The following GARIN1A variants were observed in gnomAD, a reference collection of about 807,000 sequenced individuals.
GARIN1A encodes golgi associated RAB2 interactor 1A.
chr7:128,702,548 T>C, the GARIN1A span, among the ~76,000 whole-genome samples: 1 of 152,146 alleles, frequency 6.6e-6, no homozygotes, highest in African/African-American at 2.4e-5. Flanking sequence ...ATATGAGATA[T>C]ATGTATAAGA....
chr7:128,680,123 A>G, the GARIN1A span: 18 of 1,570,752 alleles, frequency 1.1e-5, no homozygotes, highest in African/African-American at 2.4e-4. Flanking sequence ...CACAGCTCTC[A>G]GGAAAGCCCC....
At chr7:128,672,664 G>A in the GARIN1A span, 4 of 521,852 alleles carry the variant, frequency 7.7e-6, no homozygotes, top group South Asian at 4.2e-5. Flanking sequence ...GGGGCGGGGG[G>A]ACAAAGAAGC....
chr7:128,689,756 G>GC, the GARIN1A span, among the ~76,000 whole-genome samples: 95 of 84,220 alleles, frequency 1.1e-3, no homozygotes, highest in East Asian at 2.5e-3. Flanking sequence ...GTCAGCCCCC[G>GC]CCGGCCAGCC....
the GARIN1A span, among the ~76,000 whole-genome samples, chr7:128,705,662 T>G: frequency 2.2e-5 from 3 of 133,568 alleles, no homozygotes; most frequent in South Asian, 2.6e-4. Context: ...GGTGTTTTTT[T>G]TTTTTTTTTT....
At chr7:128,689,601 CGCCCCGTCT>C in the GARIN1A span, among the ~76,000 whole-genome samples, 1 of 149,328 alleles carries the variant, frequency 6.7e-6, no homozygotes, top group African/African-American at 2.5e-5. Context: ...GCCCGGCAGC[CGCCCCGTCT>C]GAGAAGTGAG....
At chr7:128,672,460 G>A in the GARIN1A span, 1 of 1,608,722 alleles carries the variant, frequency 6.2e-7, no homozygotes, top group Admixed American at 1.7e-5. Context: ...TGGAACTTGG[G>A]GTGGAAAATG....
chr7:128,700,590 T>TTA, the GARIN1A span, among the ~76,000 whole-genome samples: 1 of 152,162 alleles, frequency 6.6e-6, no homozygotes, highest in African/African-American at 2.4e-5. Context: ...TTAGTAAGGT[T>TTA]TTATTATTCT....
At chr7:128,696,775 G>C in the GARIN1A span, among the ~76,000 whole-genome samples, 1 of 152,222 alleles carries the variant, frequency 6.6e-6, no homozygotes, top group Non-Finnish European at 1.5e-5. Flanking sequence ...CACCATGGCT[G>C]GAGGGCACTA....
chr7:128,699,263 C>A, the GARIN1A span, among the ~76,000 whole-genome samples: 2 of 34,424 alleles, frequency 5.8e-5, no homozygotes, highest in Non-Finnish European at 1.5e-4. Flanking sequence ...ACCTGCTGCC[C>A]CCCCCCCCCC....
the GARIN1A span, chr7:128,675,590 A>G: frequency 1.4e-6 from 2 of 1,439,020 alleles, no homozygotes; most frequent in East Asian, 4.6e-5. Context: ...CCTGCCCCCA[A>G]GATGATGTGC....
chr7:128,685,047 G>A, the GARIN1A span: 4 of 152,248 alleles, frequency 2.6e-5, no homozygotes, highest in African/African-American at 7.2e-5. Flanking sequence ...GATTACAGGT[G>A]TGAACCACCA....
the GARIN1A span, among the ~76,000 whole-genome samples, chr7:128,692,940 G>T: frequency 1.3e-5 from 2 of 152,340 alleles, no homozygotes; most frequent in Admixed American, 6.5e-5. Context: ...ACTGAGAGTG[G>T]TAAAGCTTCA....
chr7:128,673,621 G>A, the GARIN1A span, among the ~76,000 whole-genome samples: 1 of 152,202 alleles, frequency 6.6e-6, no homozygotes, highest in Admixed American at 6.5e-5. Context: ...ACAGTTTGAG[G>A]TGGGTCTTGG....
At chr7:128,694,553 GA>G in the GARIN1A span, among the ~76,000 whole-genome samples, 1 of 151,304 alleles carries the variant, frequency 6.6e-6, no homozygotes, top group Admixed American at 6.6e-5. Context: ...AAGAAAGAAA[GA>G]AAGAAAAAAA....
chr7:128,681,900 CT>C, the GARIN1A span, among the ~76,000 whole-genome samples: 1 of 149,522 alleles, frequency 6.7e-6, no homozygotes, highest in African/African-American at 2.5e-5. Context: ...CACAACCCCC[CT>C]GGCCATGGCT....
chr7:128,672,649 A>AGGGGGGG, the GARIN1A span: 2 of 124,320 alleles, frequency 1.6e-5, no homozygotes, highest in Non-Finnish European at 3.4e-5. Flanking sequence ...GCCCTGGGGG[A>AGGGGGGG]GGGGGGGGCG....
the GARIN1A span, among the ~76,000 whole-genome samples, chr7:128,691,943 C>T: frequency 6.6e-6 from 1 of 152,204 alleles, no homozygotes; most frequent in Non-Finnish European, 1.5e-5. Flanking sequence ...AGGAACATCA[C>T]TCATCTCCAT....
At chr7:128,671,932 G>A in the GARIN1A span, among the ~76,000 whole-genome samples, 1 of 152,102 alleles carries the variant, frequency 6.6e-6, no homozygotes, top group African/African-American at 2.4e-5. Flanking sequence ...CTGGGCAGGT[G>A]AACAAGTCCC....
the GARIN1A span, chr7:128,693,701 C>G: frequency 6.6e-6 from 1 of 152,542 alleles, no homozygotes; most frequent in Non-Finnish European, 1.5e-5. Context: ...TTGTCCAGGC[C>G]TTGTCCTTGT....
Sources: allele counts gnomAD v4.1 joint callset (sites outside exome capture counted in the v4.1 genomes callset), GRCh38; gene constraint gnomAD v4.1.1; transcripts MANE v1.5; gene names NCBI Gene and HGNC (gene_info 2026-07-23, HGNC 2026-07-21).